Variants in SLC66A2 observed in about 807,000 individuals in gnomAD.
SLC66A2 encodes PQ loop repeat containing 1.
Under a neutral mutation model 25.5 loss-of-function variants are expected in SLC66A2, and 23 were observed. The ratio of observed to expected loss-of-function variants is 0.90; its 90% CI spans 0.65 to 1.28. SLC66A2 has a LOEUF of 1.28. Among genes scored for constraint, SLC66A2 ranks in the 50% most tolerant of loss-of-function variants. SLC66A2 has a pLI of 0.00. For missense variants in SLC66A2, 396 were observed against 373.1 expected (o/e 1.06, Z -0.51); for synonymous variants, 193 against 166.5 (o/e 1.16, Z -1.23).
intron 5 of SLC66A2, among the ~76,000 whole-genome samples, chr18:79,905,216 C>T (rs1321304587): frequency 1.3e-5 from 2 of 152,242 alleles, no homozygotes; most frequent in East Asian, 1.9e-4. Context: ...AACCAGGAGG[C>T]TTTGGGACTG....
chr18:79,908,304 T>C (rs1982431994), intron 5 of SLC66A2, among the ~76,000 whole-genome samples: 1 of 147,328 alleles, frequency 6.8e-6, no homozygotes, highest in South Asian at 2.2e-4. Flanking sequence ...TATTTTGCCT[T>C]GATTCCTAAA....
chr18:79,932,653 A>T (rs1986688859), intron 4 of SLC66A2, among the ~76,000 whole-genome samples: 1 of 152,178 alleles, frequency 6.6e-6, no homozygotes, highest in South Asian at 2.1e-4. Context: ...ACTTTCCAGA[A>T]ATACAAAGGA....
In SLC66A2 at chr18:79,934,038, G is replaced by A; in HGVS notation, c.338-16C>T. On this transcript the variant is annotated splice_polypyrimidine_tract_variant and intron_variant, in intron 3 of 5. Coordinates refer to ENST00000397778, the MANE Select transcript of SLC66A2 (RefSeq NM_025078.5). ...CTATCTGCAGCTACACGTTAAAAAG[G>A]GAGACAGAAACAGAAAGGGGAAAAA... The A allele has an allele frequency of 6.2e-7, 1 of 1,609,548 alleles. No homozygotes were observed. The highest frequency in any genetic ancestry group is 8.5e-7 in the Non-Finnish European group (1 of 1,177,974).
At chr18:79,913,070 C>G (rs1983475145) in intron 5 of SLC66A2, among the ~76,000 whole-genome samples, 1 of 152,168 alleles carries the variant, frequency 6.6e-6, no homozygotes, top group African/African-American at 2.4e-5. Context: ...CCTGGCTGGA[C>G]AGGGGCAGCC....
chr18:79,940,492 TA>T lies in SLC66A2; in HGVS notation c.337+2836del, dbSNP rs925300814. Among the ~76,000 whole-genome samples the T allele has an allele frequency of 6.7e-4, 97 of 145,204 alleles. No homozygotes were observed. The highest frequency in any genetic ancestry group is 1.1e-3 in the Non-Finnish European group (74 of 65,646). ...GCACATGTACCTGAACTTAAAAGCT[TA>T]AAAAAAAAAACAGAACATGTTCAGA... On this transcript the variant is annotated intron_variant, in intron 3 of 5. Transcript: ENST00000397778. This position sits in a 1 kb window ranked among gnomAD's most constrained non-coding sequence, Gnocchi z 4.1.
chr18:79,931,665 A>G (rs1486433641), intron 4 of SLC66A2, among the ~76,000 whole-genome samples: 2 of 152,206 alleles, frequency 1.3e-5, no homozygotes, highest in African/African-American at 4.8e-5. Context: ...TGCACATTGA[A>G]TATTCTCCAG....
chr18:79,914,540 G>A (rs1274034498), intron 5 of SLC66A2, among the ~76,000 whole-genome samples: 1 of 150,458 alleles, frequency 6.6e-6, no homozygotes. Context: ...TACCACAGGA[G>A]CACCCAGGAA....
At chr18:79,933,901 AG>A in intron 4 of SLC66A2, 67 bp downstream of exon 4, 1 of 1,381,350 alleles carries the variant, frequency 7.2e-7, no homozygotes, top group Non-Finnish European at 1.0e-6. Flanking sequence ...CAACAACAGG[AG>A]GAAGTACAGC....
At position 79,903,817 on chromosome 18, in the gene SLC66A2, C is replaced by G; in HGVS notation, c.*159G>C. The G allele has an allele frequency of 1.7e-6, 1 of 604,020 alleles. No individual in the cohort carries two copies. Among genetic ancestry groups the G allele is most frequent in the Non-Finnish European group, 2.8e-6 (1 of 358,962 alleles). The allele number at this position is 604,020 out of a possible 1,614,324, so 37.4% of individuals were successfully genotyped here. A position where few individuals can be genotyped will look rare whatever the true frequency, so the allele number is the denominator to read the frequency against. On this transcript the variant is annotated 3_prime_UTR_variant, in exon 6 of 6. Transcript: ENST00000397778. ...CAGCGTCCCAGCCCCACCCCCACTG[C>G]CCACCCTGAGACACCCCACAGAGGC... is the stretch of plus-strand genomic sequence containing the variant.
chr18:79,931,692 G>A (rs999258294), intron 4 of SLC66A2, among the ~76,000 whole-genome samples: 4 of 152,142 alleles, frequency 2.6e-5, no homozygotes, highest in Non-Finnish European at 4.4e-5. Flanking sequence ...TCATATGCTA[G>A]GCCATAAGAT....
intron 3 of SLC66A2, chr18:79,935,182 C>A (rs1161325333): frequency 6.6e-6 from 1 of 152,240 alleles, no homozygotes; most frequent in Non-Finnish European, 1.5e-5. Flanking sequence ...CACACTGTTT[C>A]CCTTCTCACA....
At chr18:79,926,660 C>CA (rs1555706408) in intron 4 of SLC66A2, among the ~76,000 whole-genome samples, 1 of 147,444 alleles carries the variant, frequency 6.8e-6, no homozygotes, top group Non-Finnish European at 1.5e-5. Context: ...GGAAATTGCT[C>CA]TTTTTTTTTT....
chr18:79,917,587 C>T lies in SLC66A2; in HGVS notation c.608+1597G>A, dbSNP rs1489455496. Among the ~76,000 whole-genome samples the T allele has an allele frequency of 6.6e-6, 1 of 152,110 alleles. No homozygotes were observed. On this transcript the variant is annotated intron_variant, in intron 5 of 5. Transcript: ENST00000397778. This position sits in a 1 kb window ranked among gnomAD's most constrained non-coding sequence, Gnocchi z 6.0. ...TCCGCCGGACAAGGCCCACGTCCAG[C>T]CGGGGAGCCTACATACGACGCCCGC...
At chr18:79,943,291 A>C (rs1180927922) in intron 3 of SLC66A2, 38 bp downstream of exon 3, 2 of 1,608,120 alleles carry the variant, frequency 1.2e-6, no homozygotes, top group Non-Finnish European at 1.7e-6. Context: ...CTACGCCCTG[A>C]TTCCCTGCGA....
At chr18:79,919,059 G>C in intron 5 of SLC66A2, 125 bp downstream of exon 5, 1 of 860,840 alleles carries the variant, frequency 1.2e-6, no homozygotes, top group Non-Finnish European at 1.8e-6. Context: ...TTCTTTAACC[G>C]GCAGCTTCAC....
intron 3 of SLC66A2, among the ~76,000 whole-genome samples, chr18:79,942,383 A>T (rs1348031930): frequency 6.6e-6 from 1 of 152,210 alleles, no homozygotes; most frequent in Non-Finnish European, 1.5e-5. Flanking sequence ...AGAGGCTGAA[A>T]GCAGCACACA....
rs144343450 is a variant in SLC66A2 at position 79,929,343 on chromosome 18, A to T, written c.391+4626T>A. Among the ~76,000 whole-genome samples, 132 of 152,306 alleles carry T rather than the reference A, an allele frequency of 8.7e-4. 1 individual carries two copies. The highest frequency in any genetic ancestry group is 3.1e-3 in the African/African-American group (130 of 41,558). On this transcript the variant is annotated intron_variant, in intron 4 of 5. Transcript: ENST00000397778. ...CCACCAGAAGCTTAACGGGAAGATC[A>T]GGGAGGGTCACAGCCAGCCAGAACC...
intron 4 of SLC66A2, among the ~76,000 whole-genome samples, chr18:79,921,661 T>G (rs62636879): frequency 0.049 from 49 of 994 alleles, 1 homozygote; most frequent in Non-Finnish European, 0.12. Context: ...AGGAACCGAG[T>G]GAGAGGTCAA....
chr18:79,924,522 T>C lies in SLC66A2; in HGVS notation c.392-5122A>G, dbSNP rs573245807. Among the ~76,000 whole-genome samples, 18 of 152,338 alleles carry C rather than the reference T, an allele frequency of 1.2e-4. 1 individual carries two copies. In the East Asian group the frequency reaches 2.7e-3, roughly 23 times the overall value. On this transcript the variant is annotated intron_variant, in intron 4 of 5. Transcript: ENST00000397778. The stretch of plus-strand genomic sequence containing the variant: ...GACAGTGGTGATGGCCGCACAACTC[T>C]GTAAATACACTAAAAACCACCGAAC...
Sources: allele counts gnomAD v4.1 joint callset (sites outside exome capture counted in the v4.1 genomes callset), GRCh38; gene constraint gnomAD v4.1.1; non-coding constraint Gnocchi (gnomAD v3.1); transcripts MANE v1.5; gene names NCBI Gene and HGNC (gene_info 2026-07-23, HGNC 2026-07-21).